LYPLAL1: variants seen among roughly 807,000 people sequenced by gnomAD.
LYPLAL1 encodes lysophospholipase-like protein 1.
In LYPLAL1, 23 loss-of-function variants were observed where a neutral mutation model predicts 19.7. The ratio of observed to expected loss-of-function variants is 1.17; its 90% CI spans 0.84 to 1.65. The LOEUF (loss-of-function observed/expected upper bound fraction) is 1.65. LYPLAL1 is among the 40% of genes most tolerant of loss of function. LYPLAL1 has a pLI of 0.00. For synonymous variants in LYPLAL1, 119 were observed against 96.3 expected (o/e 1.24, Z -1.38); for missense variants, 355 against 279.4 (o/e 1.27, Z -1.93).
chr1:219,350,760 G>A, the LYPLAL1 span, among the ~76,000 whole-genome samples: 7 of 152,162 alleles, frequency 4.6e-5, no homozygotes, highest in Admixed American at 2.6e-4. Flanking sequence ...CAGGAAACTC[G>A]ATGACATATG....
At chr1:219,396,879 C>T in the LYPLAL1 span, among the ~76,000 whole-genome samples, 2 of 152,192 alleles carry the variant, frequency 1.3e-5, no homozygotes, top group Non-Finnish European at 2.9e-5. Flanking sequence ...AGTTTGACTT[C>T]CTCTCTTCCT....
chr1:219,201,669 G>A (rs1468467403), intron 3 of LYPLAL1, among the ~76,000 whole-genome samples: 1 of 152,054 alleles, frequency 6.6e-6, no homozygotes, highest in East Asian at 1.9e-4. Context: ...TCTACATTGA[G>A]ATACAGAAAG....
the LYPLAL1 span, among the ~76,000 whole-genome samples, chr1:219,241,322 A>G: frequency 2.6e-5 from 4 of 151,480 alleles, no homozygotes; most frequent in Admixed American, 2.6e-4. Context: ...AGCAAGAAAT[A>G]CAATTTTATT....
the LYPLAL1 span, among the ~76,000 whole-genome samples, chr1:219,220,469 G>A: frequency 6.6e-6 from 1 of 151,858 alleles, no homozygotes; most frequent in Non-Finnish European, 1.5e-5. Flanking sequence ...AGGTAAAAGA[G>A]CATCATCATG....
chr1:219,289,933 T>A, the LYPLAL1 span, among the ~76,000 whole-genome samples: 1 of 152,190 alleles, frequency 6.6e-6, no homozygotes, highest in Non-Finnish European at 1.5e-5. Context: ...CTTCCTTAAT[T>A]GAATGAGAAT....
chr1:219,261,065 C>T, the LYPLAL1 span, among the ~76,000 whole-genome samples: 1 of 151,946 alleles, frequency 6.6e-6, no homozygotes, highest in African/African-American at 2.4e-5. Context: ...ATATCAGATC[C>T]AAAAGACTCA....
At chr1:219,220,830 G>A in the LYPLAL1 span, among the ~76,000 whole-genome samples, 3 of 152,138 alleles carry the variant, frequency 2.0e-5, no homozygotes, top group African/African-American at 7.2e-5. Flanking sequence ...GGCCCATAAA[G>A]TCAAAAATAC....
At chr1:219,188,074 G>A (rs1656867819) in intron 2 of LYPLAL1, among the ~76,000 whole-genome samples, 1 of 151,696 alleles carries the variant, frequency 6.6e-6, no homozygotes. Flanking sequence ...TTTCTGGCTG[G>A]CACAAATTAT....
chr1:219,230,263 C>T, the LYPLAL1 span, among the ~76,000 whole-genome samples: 1 of 152,162 alleles, frequency 6.6e-6, no homozygotes, highest in Non-Finnish European at 1.5e-5. Context: ...CAGGCGCCTG[C>T]TACCACGCCC....
chr1:219,421,338 A>C, the LYPLAL1 span, among the ~76,000 whole-genome samples: 1 of 152,214 alleles, frequency 6.6e-6, no homozygotes, highest in Non-Finnish European at 1.5e-5. Flanking sequence ...TGACTTCACT[A>C]TAGGAAAACC....
chr1:219,185,681 G>A (rs569655021), intron 2 of LYPLAL1, among the ~76,000 whole-genome samples: 115 of 151,972 alleles, frequency 7.6e-4, no homozygotes, highest in South Asian at 2.5e-3. Flanking sequence ...ATGACTCGTC[G>A]TGTGATTGCC....
the LYPLAL1 span, among the ~76,000 whole-genome samples, chr1:219,296,892 A>T: frequency 2.0e-5 from 3 of 152,064 alleles, no homozygotes; most frequent in East Asian, 5.8e-4. Flanking sequence ...AATCAGAAGA[A>T]CTCTGGGTCC....
the LYPLAL1 span, among the ~76,000 whole-genome samples, chr1:219,366,525 G>A: frequency 6.6e-6 from 1 of 152,186 alleles, no homozygotes; most frequent in African/African-American, 2.4e-5. Context: ...TCATTGTCTG[G>A]GATCCAGGCT....
chr1:219,227,342 A>G, the LYPLAL1 span, among the ~76,000 whole-genome samples: 1 of 152,114 alleles, frequency 6.6e-6, no homozygotes, highest in African/African-American at 2.4e-5. Flanking sequence ...CAGGAGTTGG[A>G]TGTTGATTTG....
At chr1:219,229,927 A>G in the LYPLAL1 span, among the ~76,000 whole-genome samples, 1 of 152,072 alleles carries the variant, frequency 6.6e-6, no homozygotes, top group African/African-American at 2.4e-5. Flanking sequence ...AGTTGGAAAT[A>G]TTTTCTGTCA....
chr1:219,421,231 C>G, the LYPLAL1 span, among the ~76,000 whole-genome samples: 1 of 152,092 alleles, frequency 6.6e-6, no homozygotes, highest in African/African-American at 2.4e-5. Context: ...CTAATCAATC[C>G]AGCTACAGAA....
the LYPLAL1 span, among the ~76,000 whole-genome samples, chr1:219,248,282 C>T: frequency 6.6e-6 from 1 of 152,156 alleles, no homozygotes; most frequent in Admixed American, 6.5e-5. Flanking sequence ...TGGGCTCTGA[C>T]ACTCTTGGTG....
chr1:219,243,130 T>G, the LYPLAL1 span, among the ~76,000 whole-genome samples: 1 of 152,192 alleles, frequency 6.6e-6, no homozygotes, highest in African/African-American at 2.4e-5. Context: ...ATTTATGAAT[T>G]TCCTAAGTTC....
the LYPLAL1 span, among the ~76,000 whole-genome samples, chr1:219,355,715 G>C: frequency 6.6e-6 from 1 of 151,836 alleles, no homozygotes; most frequent in Admixed American, 6.6e-5. Context: ...AGACCATATG[G>C]AAGGCCATAA....
Sources: gnomAD v4.1 joint callset for allele counts (sites outside exome capture counted in the v4.1 genomes callset) on GRCh38, gnomAD v4.1.1 for gene constraint, MANE v1.5 for transcripts, NCBI Gene and HGNC (gene_info 2026-07-23, HGNC 2026-07-21) for gene names.